Variants in RBMS3 observed in about 807,000 individuals in gnomAD.
The protein encoded by RBMS3 is RNA-binding motif, single-stranded-interacting protein 3.
A neutral mutation model predicts 66.8 loss-of-function variants in RBMS3; 27 were observed. The observed-to-expected ratio is 0.40, with a 90% CI of 0.30 to 0.56. RBMS3 has a LOEUF of 0.56. RBMS3 is among the 20% of genes least tolerant of loss of function. The pLI, the probability that RBMS3 is intolerant of heterozygous loss-of-function variation, is 0.40. For synonymous variants in RBMS3, 188 were observed against 183.0 expected (o/e 1.03, Z -0.22); for missense variants, 513 against 549.5 (o/e 0.93, Z 0.66).
intron 1 of RBMS3, among the ~76,000 whole-genome samples, chr3:29,286,474 T>C (rs2032345872): frequency 6.6e-6 from 1 of 152,110 alleles, no homozygotes; most frequent in Non-Finnish European, 1.5e-5. Context: ...TTCTCCAGAA[T>C]GGATTCAAAC....
intron 2 of RBMS3, among the ~76,000 whole-genome samples, chr3:29,449,553 C>G (rs1459439011): frequency 6.6e-6 from 1 of 152,080 alleles, no homozygotes; most frequent in Non-Finnish European, 1.5e-5. Context: ...ATTTAGAAAA[C>G]CAATAAAATA....
At chr3:29,468,906 G>T (rs1431296457) in intron 2 of RBMS3, among the ~76,000 whole-genome samples, 1 of 152,062 alleles carries the variant, frequency 6.6e-6, no homozygotes, top group African/African-American at 2.4e-5. Context: ...TCATTTTCTA[G>T]TTGCTATTTT....
chr3:29,639,369 G>A (rs2049599522), intron 4 of RBMS3, among the ~76,000 whole-genome samples: 2 of 151,724 alleles, frequency 1.3e-5, no homozygotes, highest in African/African-American at 4.8e-5. Context: ...AATATCCAAG[G>A]GGAAATTTTT....
intron 14 of RBMS3, among the ~76,000 whole-genome samples, chr3:29,995,744 C>T (rs1034064980): frequency 6.6e-6 from 1 of 152,166 alleles, no homozygotes; most frequent in African/African-American, 2.4e-5. Context: ...ACCAGGCCTG[C>T]CTTACAAGAG....
At chr3:29,768,782 TGA>T (rs1438026524) in intron 6 of RBMS3, among the ~76,000 whole-genome samples, 4 of 151,938 alleles carry the variant, frequency 2.6e-5, no homozygotes, top group African/African-American at 9.7e-5. Context: ...CAGGGTTCCT[TGA>T]GAGGTTATCT....
intron 4 of RBMS3, among the ~76,000 whole-genome samples, chr3:29,718,118 TC>T (rs2053483678): frequency 6.6e-6 from 1 of 152,080 alleles, no homozygotes; most frequent in Non-Finnish European, 1.5e-5. Context: ...TTTTCATTTT[TC>T]CTTCTGTTTA....
At chr3:29,488,954 C>A (rs999575091) in intron 3 of RBMS3, among the ~76,000 whole-genome samples, 1 of 152,168 alleles carries the variant, frequency 6.6e-6, no homozygotes, top group Non-Finnish European at 1.5e-5. Context: ...CAGCTATAAG[C>A]ATCTCAGGGA....
Position 29,746,087 on chromosome 3 carries a change from A to G in RBMS3, c.557+6210A>G, listed in dbSNP as rs553347824. Among the ~76,000 whole-genome samples, 8 of 152,334 alleles carry G rather than the reference A, an allele frequency of 5.3e-5. No individual in the cohort carries two copies. In the East Asian group the frequency reaches 1.5e-3, roughly 29 times the overall value. ...CCATCTGCTGAAATATAATGAGACC[A>G]CAGAAACAGAATAATCATATGAAAA... is the stretch of plus-strand genomic sequence containing the variant. On this transcript the variant is annotated intron_variant, in intron 5 of 14. Coordinates refer to ENST00000383767, the MANE Select transcript of RBMS3 (RefSeq NM_001003793.3).
At chr3:29,908,646 T>C (rs1193224724) in intron 10 of RBMS3, among the ~76,000 whole-genome samples, 2 of 152,098 alleles carry the variant, frequency 1.3e-5, no homozygotes. Flanking sequence ...TTCTTTCCCT[T>C]AGCCCTTAGC....
chr3:29,430,434 A>G (rs554832036), intron 1 of RBMS3, among the ~76,000 whole-genome samples: 1 of 152,330 alleles, frequency 6.6e-6, no homozygotes, highest in Admixed American at 6.5e-5. Context: ...ACTCCTAATT[A>G]TAAATTACAT....
intron 10 of RBMS3, among the ~76,000 whole-genome samples, chr3:29,930,073 C>G (rs1014964590): frequency 1.4e-5 from 2 of 144,164 alleles, no homozygotes; most frequent in African/African-American, 2.5e-5. Flanking sequence ...CGGGAACAGA[C>G]TGTAGATGAA....
chr3:29,313,230 C>G (rs967958684), intron 1 of RBMS3, among the ~76,000 whole-genome samples: 2 of 151,674 alleles, frequency 1.3e-5, no homozygotes, highest in Non-Finnish European at 2.9e-5. Context: ...GGTTTCATTT[C>G]TTTGTTGAAA....
At chr3:29,532,254 ATATATATG>A (rs931658820) in intron 3 of RBMS3, among the ~76,000 whole-genome samples, 4,535 of 66,462 alleles carry the variant, frequency 0.068, 150 homozygotes, top group Admixed American at 0.13. Flanking sequence ...ATGTATATAT[ATATATATG>A]TATATATATA....
At chr3:29,833,020 T>C (rs1461957325) in intron 6 of RBMS3, among the ~76,000 whole-genome samples, 1 of 152,076 alleles carries the variant, frequency 6.6e-6, no homozygotes, top group Non-Finnish European at 1.5e-5. Context: ...AATGGGAGGT[T>C]CTCAGAACCT....
intron 3 of RBMS3, among the ~76,000 whole-genome samples, chr3:29,579,565 C>T (rs2047251748): frequency 6.6e-6 from 1 of 152,122 alleles, no homozygotes; most frequent in Non-Finnish European, 1.5e-5. Flanking sequence ...AGTCATAGCC[C>T]ACTTTTGTCA....
At chr3:29,726,953 C>T (rs1250540639) in intron 4 of RBMS3, among the ~76,000 whole-genome samples, 13 of 152,008 alleles carry the variant, frequency 8.6e-5, no homozygotes, top group Admixed American at 6.6e-4. Flanking sequence ...TCACAATACC[C>T]GACTTTAAAC....
chr3:29,624,570 T>A (rs149214936), intron 4 of RBMS3, among the ~76,000 whole-genome samples: 9 of 152,244 alleles, frequency 5.9e-5, no homozygotes, highest in African/African-American at 2.2e-4. Flanking sequence ...GAACTCTTTT[T>A]CTGATCACTG....
intron 4 of RBMS3, among the ~76,000 whole-genome samples, chr3:29,590,534 C>T (rs1012798775): frequency 2.0e-5 from 3 of 151,934 alleles, no homozygotes; most frequent in Admixed American, 2.0e-4. Context: ...TCTGTCTAGG[C>T]AGGGTACTGA....
At chr3:29,746,783 C>T (rs192983593) in intron 5 of RBMS3, among the ~76,000 whole-genome samples, 176 of 152,218 alleles carry the variant, frequency 1.2e-3, no homozygotes, top group Admixed American at 2.9e-3. Flanking sequence ...GTCTCCGAGA[C>T]GGCAGTCTTG....
Sources: allele counts gnomAD v4.1 joint callset (sites outside exome capture counted in the v4.1 genomes callset), GRCh38; gene constraint gnomAD v4.1.1; transcripts MANE v1.5; gene names NCBI Gene and HGNC (gene_info 2026-07-23, HGNC 2026-07-21).